The following DAB1 variants were observed in gnomAD, a reference collection of about 807,000 sequenced individuals.
The protein encoded by DAB1 is disabled homolog 1.
A neutral mutation model predicts 64.6 loss-of-function variants in DAB1; 15 were observed. That is an observed-to-expected ratio of 0.23 (90% CI 0.16 to 0.36). The LOEUF (loss-of-function observed/expected upper bound fraction) is 0.36, where lower values mean the gene tolerates loss of function less well. DAB1 is among the 10% of genes least tolerant of loss of function. The pLI is 1.00. For synonymous variants in DAB1, 235 were observed against 251.9 expected, an observed-to-expected ratio of 0.93 and a Z score of 0.64; for missense variants, 596 against 706.7, an observed-to-expected ratio of 0.84 and a Z score of 1.78.
intron 1 of DAB1, among the ~76,000 whole-genome samples, chr1:57,833,305 T>C (rs748774769): frequency 1.3e-5 from 2 of 152,236 alleles, no homozygotes; most frequent in African/African-American, 2.4e-5. Flanking sequence ...AATAGGTTCA[T>C]TTATGCATTT....
At chr1:57,489,698 T>C (rs893770494) in intron 7 of DAB1, among the ~76,000 whole-genome samples, 3 of 152,192 alleles carry the variant, frequency 2.0e-5, no homozygotes, top group Non-Finnish European at 4.4e-5. Flanking sequence ...GAAACATAAT[T>C]GTGCAATTGC....
intron 2 of DAB1, among the ~76,000 whole-genome samples, chr1:57,181,573 G>A (rs1368472859): frequency 1.3e-5 from 2 of 152,198 alleles, no homozygotes; most frequent in East Asian, 3.9e-4. Context: ...TACTGTACAA[G>A]GAATGCAATA....
chr1:58,119,536 T>C (rs1021457013), intron 5 of DAB1, among the ~76,000 whole-genome samples: 2 of 152,244 alleles, frequency 1.3e-5, no homozygotes, highest in Non-Finnish European at 2.9e-5. Flanking sequence ...AAATAGGGAA[T>C]CATGGACCTG....
chr1:57,385,856 G>A (rs1016030523), intron 1 of DAB1, among the ~76,000 whole-genome samples: 3 of 152,146 alleles, frequency 2.0e-5, no homozygotes, highest in Non-Finnish European at 4.4e-5. Flanking sequence ...ATCTCATTTT[G>A]CTTACAAAGG....
chr1:57,131,998 C>T (rs953475797), intron 4 of DAB1, among the ~76,000 whole-genome samples: 1 of 152,042 alleles, frequency 6.6e-6, no homozygotes, highest in Non-Finnish European at 1.5e-5. Flanking sequence ...TGAGTGAATG[C>T]ATATATATAT....
chr1:58,403,880 C>T (rs1041854506), intron 3 of DAB1, among the ~76,000 whole-genome samples: 6 of 152,220 alleles, frequency 3.9e-5, no homozygotes, highest in Admixed American at 3.9e-4. Context: ...GAACCTTGAT[C>T]TCCTGACTCT....
chr1:57,945,314 T>C (rs983419462), intron 5 of DAB1, among the ~76,000 whole-genome samples: 1 of 152,038 alleles, frequency 6.6e-6, no homozygotes, highest in Non-Finnish European at 1.5e-5. Flanking sequence ...AGCTGGAGTG[T>C]AGTGGTTTGT....
intron 4 of DAB1, among the ~76,000 whole-genome samples, chr1:58,282,834 C>T (rs1661594010): frequency 6.6e-6 from 1 of 152,244 alleles, no homozygotes; most frequent in African/African-American, 2.4e-5. Flanking sequence ...CGACTGCTCC[C>T]AGCTCTGTCG....
intron 4 of DAB1, among the ~76,000 whole-genome samples, chr1:58,161,807 G>T (rs1183266501): frequency 6.6e-6 from 1 of 152,024 alleles, no homozygotes; most frequent in Non-Finnish European, 1.5e-5. Flanking sequence ...CTACTGCATT[G>T]TCACCAAGAG....
intron 2 of DAB1, among the ~76,000 whole-genome samples, chr1:57,252,812 T>G (rs1669453188): frequency 6.6e-6 from 1 of 152,118 alleles, no homozygotes; most frequent in African/African-American, 2.4e-5. Flanking sequence ...AGTACAGTTA[T>G]GAAACAAGGG....
chr1:57,983,715 T>C (rs754900475), intron 5 of DAB1, among the ~76,000 whole-genome samples: 3 of 152,336 alleles, frequency 2.0e-5, no homozygotes, highest in African/African-American at 7.2e-5. Context: ...CACAGGGACT[T>C]GAAAATAGAA....
chr1:57,806,378 G>A (rs554079115), intron 6 of DAB1, among the ~76,000 whole-genome samples: 5 of 152,130 alleles, frequency 3.3e-5, no homozygotes, highest in African/African-American at 9.7e-5. Context: ...TGAGACTGAC[G>A]TCCTTGTGAA....
intron 3 of DAB1, among the ~76,000 whole-genome samples, chr1:58,434,630 G>A (rs747142659): frequency 2.5e-4 from 38 of 152,180 alleles, no homozygotes; most frequent in Non-Finnish European, 5.1e-4. Context: ...TCACCATATA[G>A]ATGGCATTTA....
At chr1:57,007,971 G>A (rs967572804) in intron 14 of DAB1, among the ~76,000 whole-genome samples, 7 of 152,182 alleles carry the variant, frequency 4.6e-5, no homozygotes, top group African/African-American at 1.7e-4. Flanking sequence ...TCTCCCAGAC[G>A]TCCCCCATGT....
intron 5 of DAB1, among the ~76,000 whole-genome samples, chr1:57,932,336 G>A (rs185120125): frequency 1.3e-5 from 2 of 152,234 alleles, no homozygotes; most frequent in African/African-American, 4.8e-5. Context: ...GTCTATATGC[G>A]TCAATTATAT....
chr1:58,476,875 C>T (rs932096191), intron 3 of DAB1, among the ~76,000 whole-genome samples: 1 of 152,136 alleles, frequency 6.6e-6, no homozygotes, highest in Non-Finnish European at 1.5e-5. Context: ...AGTGGCAGTA[C>T]ATGGAGGAAG....
At chr1:57,312,881 G>C (rs556575183) in intron 1 of DAB1, among the ~76,000 whole-genome samples, 4 of 151,918 alleles carry the variant, frequency 2.6e-5, no homozygotes, top group African/African-American at 4.8e-5. Context: ...CCAGGGGGAC[G>C]GTTCCACACT....
At chr1:57,968,299 T>C (rs1235201484) in intron 5 of DAB1, among the ~76,000 whole-genome samples, 1 of 152,130 alleles carries the variant, frequency 6.6e-6, no homozygotes, top group Non-Finnish European at 1.5e-5. Flanking sequence ...GAGGTATAAT[T>C]TTCTTCCATC....
At chr1:57,449,005 C>T (rs1470797349) in intron 7 of DAB1, among the ~76,000 whole-genome samples, 2 of 152,112 alleles carry the variant, frequency 1.3e-5, no homozygotes, top group East Asian at 3.8e-4. Context: ...ATTTTGATTC[C>T]TCCTGAAATA....
Sources: allele counts gnomAD v4.1 joint callset (sites outside exome capture counted in the v4.1 genomes callset), GRCh38; gene constraint gnomAD v4.1.1; transcripts MANE v1.5; gene names NCBI Gene and HGNC (gene_info 2026-07-23, HGNC 2026-07-21).